GPC5: variants seen among roughly 807,000 people sequenced by gnomAD.
The protein encoded by GPC5 is glypican 5.
A neutral mutation model predicts 53.9 loss-of-function variants in GPC5; 47 were observed. The observed-to-expected ratio is 0.87, with a 90% CI of 0.69 to 1.11. The LOEUF is 1.11. Ranked by LOEUF, GPC5 falls within the 50% of genes most tolerant of loss-of-function variation. The probability of loss-of-function intolerance (pLI) is 0.00; values close to 1 mark genes in which losing one functional copy is unlikely to be tolerated. For synonymous variants in GPC5, 286 were observed against 263.3 expected (o/e 1.09, Z -0.84); for missense variants, 748 against 713.1 (o/e 1.05, Z -0.56).
chr13:91,753,401 T>G (rs943370960), intron 4 of GPC5, among the ~76,000 whole-genome samples: 3 of 152,200 alleles, frequency 2.0e-5, no homozygotes, highest in Non-Finnish European at 4.4e-5. Context: ...AAATTGTGTG[T>G]GTTATCTTAA....
intron 7 of GPC5, among the ~76,000 whole-genome samples, chr13:92,732,616 C>A (rs1888838066): frequency 6.6e-6 from 1 of 151,414 alleles, no homozygotes; most frequent in South Asian, 2.1e-4. Context: ...AGAAAACAAA[C>A]AAGAAGATTG....
intron 2 of GPC5, among the ~76,000 whole-genome samples, chr13:91,539,352 C>T (rs2029864061): frequency 6.6e-6 from 1 of 152,062 alleles, no homozygotes; most frequent in Admixed American, 6.6e-5. Flanking sequence ...AACTGAAGGT[C>T]TGACTTGATC....
intron 7 of GPC5, among the ~76,000 whole-genome samples, chr13:92,742,660 C>T (rs1889136744): frequency 6.6e-6 from 1 of 152,106 alleles, no homozygotes; most frequent in South Asian, 2.1e-4. Flanking sequence ...CTTGCCCATG[C>T]CTATGTCCTG....
intron 2 of GPC5, among the ~76,000 whole-genome samples, chr13:91,618,595 T>G (rs1406060506): frequency 6.6e-6 from 1 of 152,074 alleles, no homozygotes; most frequent in African/African-American, 2.4e-5. Flanking sequence ...TTTTTGAGAG[T>G]AAGCTATTGG....
At chr13:91,664,396 T>A (rs891724254) in intron 2 of GPC5, among the ~76,000 whole-genome samples, 22 of 152,208 alleles carry the variant, frequency 1.4e-4, no homozygotes, top group Non-Finnish European at 3.2e-4. Flanking sequence ...AAAGCATTTA[T>A]CCCTTAGCAG....
chr13:92,323,349 A>G (rs1268148202), intron 7 of GPC5, among the ~76,000 whole-genome samples: 1 of 146,880 alleles, frequency 6.8e-6, no homozygotes, highest in Non-Finnish European at 1.5e-5. Flanking sequence ...ATATATACAT[A>G]TATAACAGAT....
At chr13:92,184,822 A>G (rs935130273) in intron 7 of GPC5, among the ~76,000 whole-genome samples, 10 of 152,164 alleles carry the variant, frequency 6.6e-5, no homozygotes, top group Admixed American at 2.0e-4. Flanking sequence ...TCTGGTAATT[A>G]ATATGAAACT....
At chr13:92,437,915 A>C (rs1437887026) in intron 7 of GPC5, among the ~76,000 whole-genome samples, 1 of 152,144 alleles carries the variant, frequency 6.6e-6, no homozygotes, top group Non-Finnish European at 1.5e-5. Flanking sequence ...CTGTTTTTAA[A>C]GTGTTCACGA....
chr13:92,294,993 T>C (rs2043024788), intron 7 of GPC5, among the ~76,000 whole-genome samples: 1 of 151,924 alleles, frequency 6.6e-6, no homozygotes, highest in Admixed American at 6.6e-5. Flanking sequence ...CATGCCTGGC[T>C]AAATTTTTGT....
chr13:91,434,746 A>G (rs937757378), intron 1 of GPC5, among the ~76,000 whole-genome samples: 1 of 152,124 alleles, frequency 6.6e-6, no homozygotes, highest in African/African-American at 2.4e-5. Context: ...GGCTTGATGG[A>G]GATGGCATTG....
At chr13:91,495,716 G>A (rs1476663795) in intron 2 of GPC5, among the ~76,000 whole-genome samples, 1 of 152,198 alleles carries the variant, frequency 6.6e-6, no homozygotes, top group African/African-American at 2.4e-5. Context: ...CCAAAATAGG[G>A]AAAACAAACA....
intron 6 of GPC5, among the ~76,000 whole-genome samples, chr13:92,068,116 G>T (rs2041181293): frequency 1.3e-5 from 2 of 151,912 alleles, no homozygotes; most frequent in Non-Finnish European, 2.9e-5. Flanking sequence ...TAATGGGATA[G>T]TTCTAATATC....
chr13:92,200,143 A>T (rs528158274), intron 7 of GPC5, among the ~76,000 whole-genome samples: 45 of 151,688 alleles, frequency 3.0e-4, no homozygotes, highest in Admixed American at 1.5e-3. Context: ...AATTCATCTT[A>T]ATTTTCTTTC....
intron 2 of GPC5, among the ~76,000 whole-genome samples, chr13:91,601,613 G>T (rs1033707125): frequency 2.6e-5 from 4 of 152,070 alleles, no homozygotes; most frequent in African/African-American, 9.7e-5. Flanking sequence ...GATTCTCATA[G>T]GAGTGCGAAT....
chr13:91,848,428 G>A (rs1192526350), intron 5 of GPC5, among the ~76,000 whole-genome samples: 1 of 152,196 alleles, frequency 6.6e-6, no homozygotes, highest in Non-Finnish European at 1.5e-5. Flanking sequence ...GCTAGTGAGG[G>A]AAGAGTTACA....
chr13:92,206,228 C>A (rs2139068263), intron 7 of GPC5, among the ~76,000 whole-genome samples: 1 of 143,634 alleles, frequency 7.0e-6, no homozygotes, highest in South Asian at 2.3e-4. Flanking sequence ...TGTAGTGGCG[C>A]AATCTCGGCT....
chr13:92,848,000 G>C (rs1878667472), intron 7 of GPC5, among the ~76,000 whole-genome samples: 1 of 152,094 alleles, frequency 6.6e-6, no homozygotes, highest in Non-Finnish European at 1.5e-5. Context: ...AAGGTAGTTT[G>C]GGCAGTGAGT....
At position 91,858,199 on chromosome 13, in the gene GPC5, A is replaced by T. The variant is rs529838990; in HGVS notation, c.1281-49738A>T. Among the ~76,000 whole-genome samples the T allele has an allele frequency of 5.3e-5, 8 of 151,924 alleles. No homozygotes were observed. In the East Asian group the frequency reaches 1.5e-3, roughly 29 times the overall value. Reference sequence around the variant, plus strand: ...CTAGGATTTGCTTAGGACTTCTAGTACTATGTTGAATAGCAATGATGAAAG... The same window carrying T: ...CTAGGATTTGCTTAGGACTTCTAGTTCTATGTTGAATAGCAATGATGAAAG... On this transcript the variant is annotated intron_variant, in intron 5 of 7. Transcript: ENST00000377067.
At chr13:92,083,225 C>T (rs1431178187) in intron 6 of GPC5, among the ~76,000 whole-genome samples, 1 of 152,154 alleles carries the variant, frequency 6.6e-6, no homozygotes, top group Admixed American at 6.5e-5. Context: ...TTTGTCTGCT[C>T]AATTTCTTCC....
Sources: allele counts gnomAD v4.1 joint callset (sites outside exome capture counted in the v4.1 genomes callset), GRCh38; gene constraint gnomAD v4.1.1; transcripts MANE v1.5; gene names NCBI Gene and HGNC (gene_info 2026-07-23, HGNC 2026-07-21).